The following NPHP1 variants were observed in gnomAD, a reference collection of about 807,000 sequenced individuals.
NPHP1 encodes nephrocystin-1.
In NPHP1, 70 loss-of-function variants were observed where a neutral mutation model predicts 90.4. That is an observed-to-expected ratio of 0.77 (90% CI 0.64 to 0.95). The LOEUF is 0.95. NPHP1 is among the 40% of genes least tolerant of loss of function. The pLI is 0.00. For synonymous variants in NPHP1, 256 were observed against 271.7 expected (o/e 0.94, Z 0.57); for missense variants, 764 against 795.9 (o/e 0.96, Z 0.48).
chr2:110,144,329 A>G, intron 15 of NPHP1, 164 bp downstream of exon 15: 1 of 614,324 alleles, frequency 1.6e-6, no homozygotes, highest in Non-Finnish European at 2.9e-6. Flanking sequence ...TGTTACCAAG[A>G]AAATAAGTAC....
chr2:110,129,119 C>A, intron 18 of NPHP1, 67 bp downstream of exon 18: 1 of 1,036,400 alleles, frequency 9.6e-7, no homozygotes, highest in South Asian at 1.4e-5. Context: ...AGACAGAACT[C>A]ATTAACACAG....
At chr2:110,125,074 C>A in intron 19 of NPHP1, 1 of 881,182 alleles carries the variant, frequency 1.1e-6, no homozygotes, top group Non-Finnish European at 1.6e-6. Context: ...TGTTACAACA[C>A]CAGAGCTGAG....
chr2:110,181,840 G>C lies in NPHP1; in HGVS notation c.144-2156C>G, dbSNP rs141625783. 1.6e-3 allele frequency among the ~76,000 whole-genome samples: 242 copies of C among 152,178 alleles called. 1 individual carries two copies. The highest frequency in any genetic ancestry group is 5.6e-3 in the African/African-American group (233 of 41,522). Reference sequence around the variant, plus strand: ...CAGAAAGTGGGTAATAAAAAACTTTGTTGAGTTAAAGGAGTATGTTGAAAC... The same window carrying C: ...CAGAAAGTGGGTAATAAAAAACTTTCTTGAGTTAAAGGAGTATGTTGAAAC... On this transcript the variant is annotated intron_variant, in intron 2 of 19. Coordinates refer to ENST00000445609, the MANE Select transcript of NPHP1 (RefSeq NM_001128178.3).
rs1424143540 is a variant in NPHP1 at position 110,148,105 on chromosome 2, C to T, written c.1159-79G>A. ...GTTTGATGTGGTTTGAATAAATGTC[C>T]CCACCAAATTTCATGTTGAATTGTA... is the stretch of plus-strand genomic sequence containing the variant. On this transcript the variant is annotated intron_variant, in intron 12 of 19. Transcript: ENST00000445609. The T allele has an allele frequency of 3.9e-5, 36 of 927,702 alleles. No homozygotes were observed. The Admixed American group carries it at 6.4e-4, about 16-fold the overall frequency. The allele number at this position is 927,702 out of a possible 1,614,324, so 57.5% of individuals were successfully genotyped here. A position where few individuals can be genotyped will look rare whatever the true frequency, so the allele number is the denominator to read the frequency against.
chr2:110,176,680 T>C (rs1282667774), intron 4 of NPHP1, among the ~76,000 whole-genome samples: 3 of 152,150 alleles, frequency 2.0e-5, no homozygotes, highest in African/African-American at 7.2e-5. Flanking sequence ...CTCAGCTTTG[T>C]CTTTATTCCT....
At chr2:110,184,010 G>A (rs1324735323) in intron 2 of NPHP1, 3 of 411,862 alleles carry the variant, frequency 7.3e-6, no homozygotes, top group Non-Finnish European at 9.8e-6. Context: ...TGGCACTAGC[G>A]GCAGACCCAA....
chr2:110,179,680 T>G lies in NPHP1; in HGVS notation c.148A>C (p.Ile50Leu). The G allele has an allele frequency of 7.8e-7, 1 of 1,287,482 alleles. No homozygotes were observed. Among genetic ancestry groups the G allele is most frequent in the South Asian group, 1.2e-5 (1 of 82,354 alleles). 79.8% of individuals were successfully genotyped at this position (1,287,482 alleles called of 1,614,324 possible). The change falls in exon 3 of 20, where the codon ATC becomes CTC. Residue 50 changes from isoleucine to leucine, a missense_variant. Physicochemically the swap from Ile to Leu is conservative, Grantham distance 5. Coordinates refer to ENST00000445609, the MANE Select transcript of NPHP1 (RefSeq NM_001128178.3). ...NKRQHIYQRC[I>L]QLKQAIDENK... ...TCATCTATTGCCTGCTTTAACTGGA[T>G]ACATCTAAATTAAGAAAAAAAAGAA... is the stretch of plus-strand genomic sequence containing the variant.
intron 11 of NPHP1, 31 bp downstream of exon 11, chr2:110,160,096 T>G (rs774720439): frequency 4.4e-6 from 7 of 1,603,728 alleles, no homozygotes; most frequent in Non-Finnish European, 5.1e-6. Context: ...ATAATCCTAG[T>G]ATGAATTGAT....
intron 2 of NPHP1, among the ~76,000 whole-genome samples, chr2:110,186,011 G>A (rs1684258752): frequency 6.6e-6 from 1 of 152,172 alleles, no homozygotes; most frequent in South Asian, 2.1e-4. Flanking sequence ...AGGGGATGGA[G>A]AGAGGGAGCT....
intron 12 of NPHP1, 92 bp from the exon 13 acceptor site, chr2:110,148,118 A>G (rs1681202620): frequency 1.2e-6 from 1 of 852,734 alleles, no homozygotes; most frequent in African/African-American, 1.7e-5. Context: ...ACCAAATTTC[A>G]TGTTGAATTG....
intron 12 of NPHP1, among the ~76,000 whole-genome samples, chr2:110,148,722 G>A (rs1681248900): frequency 6.6e-6 from 1 of 152,080 alleles, no homozygotes; most frequent in African/African-American, 2.4e-5. Context: ...ATAGTTTATA[G>A]ACATTATAAG....
At chr2:110,139,827 G>A (rs1199897549) in intron 16 of NPHP1, among the ~76,000 whole-genome samples, 1 of 152,138 alleles carries the variant, frequency 6.6e-6, no homozygotes, top group Non-Finnish European at 1.5e-5. Flanking sequence ...TTGAAGGAGA[G>A]GAGGAGAAGG....
chr2:110,125,477 C>A, intron 19 of NPHP1, 160 bp downstream of exon 19: 1 of 1,116,384 alleles, frequency 9.0e-7, no homozygotes, highest in South Asian at 1.3e-5. Flanking sequence ...CATGCGTAAC[C>A]CTCTTGGAAT....
intron 2 of NPHP1, among the ~76,000 whole-genome samples, chr2:110,193,893 G>T (rs1362217170): frequency 6.6e-6 from 1 of 152,074 alleles, no homozygotes; most frequent in African/African-American, 2.4e-5. Flanking sequence ...TGAACAACCT[G>T]CTCCGGAATG....
intron 18 of NPHP1, chr2:110,127,112 A>G (rs1679425326): frequency 6.6e-6 from 1 of 152,268 alleles, no homozygotes; most frequent in Non-Finnish European, 1.5e-5. Flanking sequence ...GAAGTGGCCC[A>G]GGCCCCTTTG....
rs533125951 is a variant in NPHP1 at position 110,160,247 on chromosome 2, C to T, written c.963G>A (p.Ser321=). The change falls in exon 11 of 20, where the codon TCG becomes TCA. Residue 321 remains serine (S), a synonymous_variant. Coordinates refer to ENST00000445609, the MANE Select transcript of NPHP1 (RefSeq NM_001128178.3). ...GAATCAATGAAATACGACTTGGTCT[C>T]GACCTAATCTGAAAGAAAAATTAGT... is the stretch of plus-strand genomic sequence containing the variant. The part of the protein sequence containing the change: ...MWDATEGTIR[S]RPSRISLILT... The T allele has an allele frequency of 5.0e-6, 8 of 1,608,490 alleles. No homozygotes were observed. Among genetic ancestry groups the T allele is most frequent in the East Asian group, 4.5e-5 (2 of 44,758 alleles).
In NPHP1 at chr2:110,143,544, T is replaced by G. The variant is rs1236689095; in HGVS notation, c.1527A>C (p.Leu509=). The G allele has an allele frequency of 6.2e-7, 1 of 1,606,836 alleles. No individual in the cohort carries two copies. The highest frequency in any genetic ancestry group is 1.1e-5 in the South Asian group (1 of 90,924). The part of the protein sequence containing the change: ...RSLNRRSRNV[L]SLLPETLIGN... The stretch of plus-strand genomic sequence containing the variant: ...GACAGGTAAAAGCAGGTACCCACCT[T>G]AGTACATTTCTTGATCTTCTGTTCA... The change falls in exon 16 of 20, where the codon CTA becomes CTC. Residue 509 remains leucine, a splice_region_variant and synonymous_variant. Coordinates refer to ENST00000445609, the MANE Select transcript of NPHP1 (RefSeq NM_001128178.3).
intron 13 of NPHP1, among the ~76,000 whole-genome samples, chr2:110,147,613 T>C (rs1337614960): frequency 2.0e-5 from 3 of 152,160 alleles, no homozygotes; most frequent in Non-Finnish European, 4.4e-5. Flanking sequence ...AGGTGAACCA[T>C]GGCGCTGGGA....
intron 4 of NPHP1, among the ~76,000 whole-genome samples, chr2:110,171,443 C>A (rs1350617723): frequency 6.6e-6 from 1 of 152,026 alleles, no homozygotes; most frequent in Non-Finnish European, 1.5e-5. Flanking sequence ...AAGATTTTCT[C>A]TGGAATAAAA....
Sources: gnomAD v4.1 joint callset for allele counts (sites outside exome capture counted in the v4.1 genomes callset) on GRCh38, gnomAD v4.1.1 for gene constraint, MANE v1.5 for transcripts, NCBI Gene and HGNC (gene_info 2026-07-23, HGNC 2026-07-21) for gene names.